MYOM1: variants seen among roughly 807,000 people sequenced by gnomAD.
MYOM1 encodes the protein myomesin-1.
MYOM1 carries 164 observed loss-of-function variants against 205.3 expected under a neutral mutation model. The observed-to-expected ratio is 0.80, with a 90% CI of 0.70 to 0.91. MYOM1 has a LOEUF of 0.91. Ranked by LOEUF, MYOM1 falls within the 40% of genes least tolerant of loss-of-function variation. The probability of loss-of-function intolerance (pLI) is 0.00; values close to 1 mark genes in which losing one functional copy is unlikely to be tolerated. For synonymous variants in MYOM1, 772 were observed against 789.4 expected (o/e 0.98, Z 0.37); for missense variants, 2,011 against 2,127.3 (o/e 0.95, Z 1.08).
chr18:3,135,442 T>C lies in MYOM1; in HGVS notation c.2209+105A>G. 1 of 988,038 alleles carries C rather than the reference T, an allele frequency of 1.0e-6. No individual in the cohort carries two copies. The highest frequency in any genetic ancestry group is 2.7e-5 in the East Asian group (1 of 37,616). The allele number at this position is 988,038 out of a possible 1,614,324, so 61.2% of individuals were successfully genotyped here. On this transcript the variant is annotated intron_variant, in intron 15 of 37. Transcript: ENST00000356443. The surrounding 1 kb of genome is among the most constrained non-coding windows in gnomAD (Gnocchi z 4.1). Reference sequence around the variant, plus strand: ...GTACAGCCATCGAGTAAATTTATAATATGAAAGAAGGATGTCACCATTTTT... The same window carrying C: ...GTACAGCCATCGAGTAAATTTATAACATGAAAGAAGGATGTCACCATTTTT...
chr18:3,078,205 C>A (rs767586469), intron 34 of MYOM1, among the ~76,000 whole-genome samples: 1 of 152,064 alleles, frequency 6.6e-6, no homozygotes, highest in Non-Finnish European at 1.5e-5. Context: ...CCACAGCCAG[C>A]TAATTTTTGT....
chr18:3,191,044 G>A (rs1327897390), intron 3 of MYOM1, among the ~76,000 whole-genome samples: 1 of 152,140 alleles, frequency 6.6e-6, no homozygotes, highest in Non-Finnish European at 1.5e-5. Flanking sequence ...CCAGGCAATA[G>A]GGATATTCTC....
Position 3,173,973 on chromosome 18 carries a change from C to T in MYOM1, c.1139G>A (p.Arg380His), listed in dbSNP as rs761231031. Residue 380 changes from arginine (R) to histidine (H), a missense_variant, in exon 8 of 38, where the codon CGC (arginine) becomes CAC (histidine). Transcript: ENST00000356443. ...KRYKGEFDET[R>H]FHAGASTMPL... ...CATGGTGGAAGCCCCAGCGTGGAAG[C>T]GAGTCTCATCAAACTCTCCCTTATA... is the stretch of plus-strand genomic sequence containing the variant. 4.3e-6 allele frequency: 7 copies of T among 1,613,492 alleles called. No individual in the cohort carries two copies. The highest frequency in any genetic ancestry group is 1.7e-5 in the Admixed American group (1 of 59,974).
chr18:3,161,065 G>A (rs1233392935), intron 10 of MYOM1, among the ~76,000 whole-genome samples: 3 of 152,228 alleles, frequency 2.0e-5, no homozygotes, highest in Non-Finnish European at 4.4e-5. Flanking sequence ...ACTTAGCTTA[G>A]TTCATCCTCA....
intron 20 of MYOM1, among the ~76,000 whole-genome samples, chr18:3,117,731 C>T (rs2079626882): frequency 6.6e-6 from 1 of 152,046 alleles, no homozygotes; most frequent in Admixed American, 6.6e-5. Context: ...TCACAGTAGC[C>T]TGAAAGCCAA....
At chr18:3,247,276 A>C in the MYOM1 span, 1 of 152,276 alleles carries the variant, frequency 6.6e-6, no homozygotes, top group Non-Finnish European at 1.5e-5. Context: ...TACACTGCAC[A>C]CAGAGCTAGC....
intron 12 of MYOM1, among the ~76,000 whole-genome samples, chr18:3,150,057 CATT>C (rs547275593): frequency 1.3e-5 from 2 of 151,848 alleles, no homozygotes; most frequent in Non-Finnish European, 2.9e-5. Flanking sequence ...GAAATGGTAA[CATT>C]ATTATTATTA....
At chr18:3,080,519 C>A (rs1290911180) in intron 33 of MYOM1, among the ~76,000 whole-genome samples, 1 of 151,760 alleles carries the variant, frequency 6.6e-6, no homozygotes, top group Non-Finnish European at 1.5e-5. Context: ...ACTAAAAACA[C>A]AAATACTAGC....
the MYOM1 span, chr18:3,247,016 G>C: frequency 6.6e-6 from 1 of 152,248 alleles, no homozygotes; most frequent in African/African-American, 2.4e-5. Flanking sequence ...AGTCCTAATC[G>C]TAGCAAGAGG....
At chr18:3,142,805 A>G (rs1362632129) in intron 13 of MYOM1, among the ~76,000 whole-genome samples, 1 of 152,200 alleles carries the variant, frequency 6.6e-6, no homozygotes. Context: ...ATAAGCAGAT[A>G]GGCAGGAGCC....
Position 3,131,954 on chromosome 18 carries a change from G to T in MYOM1, c.2385-458C>A, listed in dbSNP as rs191937048. Reference sequence around the variant, plus strand: ...AGAGGTTAGTTATAAAGTATATAAAGTACCTATATAGGGCCTGGCATATAT... The same window carrying T: ...AGAGGTTAGTTATAAAGTATATAAATTACCTATATAGGGCCTGGCATATAT... On this transcript the variant is annotated intron_variant, in intron 16 of 37. Transcript: ENST00000356443. 2.5e-4 allele frequency among the ~76,000 whole-genome samples: 38 copies of T among 150,166 alleles called. No homozygotes were observed. In the East Asian group the frequency reaches 6.6e-3, roughly 26 times the overall value.
At chr18:3,182,722 T>C (rs1258628799) in intron 5 of MYOM1, among the ~76,000 whole-genome samples, 1 of 152,144 alleles carries the variant, frequency 6.6e-6, no homozygotes, top group Admixed American at 6.5e-5. Flanking sequence ...AATGCTTTTT[T>C]CTTCCCCCTT....
intron 10 of MYOM1, among the ~76,000 whole-genome samples, chr18:3,156,303 C>T (rs1422315547): frequency 1.3e-5 from 2 of 152,162 alleles, no homozygotes; most frequent in African/African-American, 4.8e-5. Flanking sequence ...CAAACAAACA[C>T]TTTCTTTCCC....
At chr18:3,079,135 T>C in intron 34 of MYOM1, 44 bp downstream of exon 34, 1 of 1,594,626 alleles carries the variant, frequency 6.3e-7, no homozygotes, top group East Asian at 2.2e-5. Context: ...TTTAAAAGGC[T>C]CATTCATCTA....
At chr18:3,088,958 A>G (rs146360344) in intron 29 of MYOM1, among the ~76,000 whole-genome samples, 13 of 152,364 alleles carry the variant, frequency 8.5e-5, no homozygotes, top group Non-Finnish European at 1.6e-4. Context: ...GATCATGAGT[A>G]GTGACTAGGA....
At chr18:3,070,767 T>TGTGTGC (rs2078950245) in intron 37 of MYOM1, among the ~76,000 whole-genome samples, 1 of 138,612 alleles carries the variant, frequency 7.2e-6, no homozygotes, top group Non-Finnish European at 1.6e-5. Context: ...TGTGTGTGTG[T>TGTGTGC]GTGTGTGCAC....
intron 3 of MYOM1, among the ~76,000 whole-genome samples, chr18:3,191,063 A>G (rs1465093590): frequency 6.6e-6 from 1 of 152,236 alleles, no homozygotes; most frequent in Admixed American, 6.5e-5. Flanking sequence ...TCCTTTAAGT[A>G]AAAGTCAGGA....
At chr18:3,220,052 G>A (rs1791133), upstream of MYOM1, 17,103 of 152,304 alleles carry the variant, frequency 0.11, 1,350 homozygotes, top group African/African-American at 0.22. Flanking sequence ...TTCCAAACCA[G>A]GAGGAGGAGA....
At chr18:3,161,249 A>G (rs571936519) in intron 10 of MYOM1, among the ~76,000 whole-genome samples, 8 of 152,252 alleles carry the variant, frequency 5.3e-5, no homozygotes, top group African/African-American at 1.7e-4. Context: ...AGATGTTTAG[A>G]TATTCAGGTA....
Sources: gnomAD v4.1 joint callset for allele counts (sites outside exome capture counted in the v4.1 genomes callset) on GRCh38, gnomAD v4.1.1 for gene constraint, Gnocchi (gnomAD v3.1) non-coding constraint, MANE v1.5 for transcripts, NCBI Gene and HGNC (gene_info 2026-07-23, HGNC 2026-07-21) for gene names.